Variants in ZNF146 observed in about 807,000 individuals in gnomAD.
ZNF146 encodes the protein zinc finger protein 146.
Under a neutral mutation model 22.2 loss-of-function variants are expected in ZNF146, and 9 were observed. That is an observed-to-expected ratio of 0.41 (90% CI 0.24 to 0.71). The LOEUF is 0.71. Ranked by LOEUF, ZNF146 falls within the 30% of genes least tolerant of loss-of-function variation. The pLI is 0.34. For missense variants in ZNF146, 194 were observed against 344.8 expected, an observed-to-expected ratio of 0.56 and a Z score of 3.46; for synonymous variants, 108 against 119.2, an observed-to-expected ratio of 0.91 and a Z score of 0.61.
At chr19:36,217,576 T>C (rs1413473590) in intron 1 of ZNF146, among the ~76,000 whole-genome samples, 4 of 152,068 alleles carry the variant, frequency 2.6e-5, no homozygotes, top group Non-Finnish European at 5.9e-5. Flanking sequence ...ATGTAGAGTA[T>C]GATACACGAT....
At chr19:36,230,052 G>C (rs1018387044) in intron 3 of ZNF146, among the ~76,000 whole-genome samples, 2 of 152,152 alleles carry the variant, frequency 1.3e-5, no homozygotes, top group Non-Finnish European at 1.5e-5. Flanking sequence ...CTACTAATGG[G>C]CATTTAGGTT....
At chr19:36,216,222 CT>C (rs1275895220) in intron 1 of ZNF146, among the ~76,000 whole-genome samples, 2 of 152,032 alleles carry the variant, frequency 1.3e-5, no homozygotes, top group Non-Finnish European at 2.9e-5. Context: ...GTGGAAGAAA[CT>C]TAAAGGTTCA....
At chr19:36,222,511 C>T (rs904653228) in intron 2 of ZNF146, among the ~76,000 whole-genome samples, 4 of 152,196 alleles carry the variant, frequency 2.6e-5, no homozygotes, top group African/African-American at 9.7e-5. Flanking sequence ...TGTGCGAGAG[C>T]GTCTTCCCCT....
At chr19:36,219,600 T>C (rs1976751962) in intron 2 of ZNF146, among the ~76,000 whole-genome samples, 1 of 152,196 alleles carries the variant, frequency 6.6e-6, no homozygotes, top group South Asian at 2.1e-4. Context: ...AGGAGAGATA[T>C]ACCAGATGGC....
intron 3 of ZNF146, among the ~76,000 whole-genome samples, chr19:36,233,805 C>G (rs1226754587): frequency 6.6e-6 from 1 of 152,210 alleles, no homozygotes; most frequent in Non-Finnish European, 1.5e-5. Context: ...CAGCTTTACA[C>G]GGAGACATTC....
rs1165204058 is a variant in ZNF146 at position 36,237,616 on chromosome 19, T to G, written c.*297T>G. ...TTTTTTATTGCTACCACCATAGATC[T>G]GGAGATCTTCGCCAGTAACAAGAAA... On this transcript the variant is annotated 3_prime_UTR_variant, in exon 4 of 4. Transcript: ENST00000443387. 1 of 253,892 alleles carries G rather than the reference T, an allele frequency of 3.9e-6. No homozygotes were observed. Among genetic ancestry groups the G allele is most frequent in the Non-Finnish European group, 8.1e-6 (1 of 123,998 alleles). The allele number at this position is 253,892 out of a possible 1,614,324, so 15.7% of individuals were successfully genotyped here.
At chr19:36,234,085 C>T (rs980787375) in intron 3 of ZNF146, among the ~76,000 whole-genome samples, 11 of 152,288 alleles carry the variant, frequency 7.2e-5, no homozygotes, top group African/African-American at 2.4e-4. Flanking sequence ...GTGGTGATGA[C>T]TCTTAAGGAG....
chr19:36,233,059 T>C (rs1977458168), intron 3 of ZNF146, among the ~76,000 whole-genome samples: 2 of 152,206 alleles, frequency 1.3e-5, no homozygotes, highest in Admixed American at 1.3e-4. Context: ...GTTTTACTTC[T>C]AAAAAATTAA....
chr19:36,221,736 GT>G lies in ZNF146; in HGVS notation c.-855+3550del, dbSNP rs370234883. On this transcript the variant is annotated intron_variant, in intron 2 of 3. Coordinates refer to ENST00000443387, the MANE Select transcript of ZNF146 (RefSeq NM_007145.3). ...TCTTTGTCTTATGTAAACATGTCTT[GT>G]TTTTTTTTGTTTGCTTCTTGTTTAT... Among the ~76,000 whole-genome samples the G allele has an allele frequency of 4.1e-3, 608 of 150,108 alleles. 7 individuals carry two copies. The highest frequency in any genetic ancestry group is 0.014 in the African/African-American group (588 of 40,976).
intron 1 of ZNF146, among the ~76,000 whole-genome samples, chr19:36,216,069 T>G (rs1976591308): frequency 6.6e-6 from 1 of 152,184 alleles, no homozygotes; most frequent in South Asian, 2.1e-4. Context: ...TTGACATAGT[T>G]TTAAATTACA....
At chr19:36,235,097 TACTC>T (rs1344678356) in intron 3 of ZNF146, among the ~76,000 whole-genome samples, 1 of 149,668 alleles carries the variant, frequency 6.7e-6, no homozygotes, top group Admixed American at 6.7e-5. Context: ...TAATCCCAGT[TACTC>T]AGGAGGCTGA....
intron 2 of ZNF146, among the ~76,000 whole-genome samples, chr19:36,224,107 C>T (rs1976974574): frequency 6.6e-6 from 1 of 152,158 alleles, no homozygotes. Context: ...CCTGGCTGGG[C>T]ACGGTGGCTC....
At chr19:36,232,196 A>C (rs1599988328) in intron 3 of ZNF146, among the ~76,000 whole-genome samples, 1 of 21,936 alleles carries the variant, frequency 4.6e-5, no homozygotes, top group African/African-American at 2.2e-4. Context: ...CTCCATCTCA[A>C]AAAAAAAAAA....
At chr19:36,218,528 T>C (rs1976707165) in intron 2 of ZNF146, among the ~76,000 whole-genome samples, 1 of 150,714 alleles carries the variant, frequency 6.6e-6, no homozygotes, top group Non-Finnish European at 1.5e-5. Context: ...TGCAGTGGCC[T>C]GATCTCGGCT....
intron 2 of ZNF146, among the ~76,000 whole-genome samples, chr19:36,224,337 G>A (rs1429582392): frequency 6.6e-6 from 1 of 152,154 alleles, no homozygotes. Flanking sequence ...AGCTGAGATT[G>A]TGCCACTGCA....
intron 2 of ZNF146, among the ~76,000 whole-genome samples, chr19:36,221,290 T>C (rs988036880): frequency 3.3e-4 from 48 of 143,376 alleles, no homozygotes; most frequent in Admixed American, 2.3e-3. Context: ...ACTGCTTTTT[T>C]TTTTTTTTTT....
At chr19:36,229,827 CT>C (rs1340812288) in intron 3 of ZNF146, among the ~76,000 whole-genome samples, 3 of 152,210 alleles carry the variant, frequency 2.0e-5, no homozygotes, top group African/African-American at 7.2e-5. Flanking sequence ...TCAAGTGATT[CT>C]TGTGCCTCAG....
At chr19:36,218,702 C>G (rs891078299) in intron 2 of ZNF146, among the ~76,000 whole-genome samples, 8 of 152,088 alleles carry the variant, frequency 5.3e-5, no homozygotes, top group African/African-American at 1.9e-4. Flanking sequence ...ATCTCCTGAC[C>G]TTGTGATCCA....
chr19:36,225,440 T>C (rs1977023393), intron 2 of ZNF146, among the ~76,000 whole-genome samples: 1 of 152,194 alleles, frequency 6.6e-6, no homozygotes, highest in African/African-American at 2.4e-5. Flanking sequence ...TTTGCTTCCT[T>C]CTTAAAAGTT....
Sources: gnomAD v4.1 joint callset for allele counts (sites outside exome capture counted in the v4.1 genomes callset) on GRCh38, gnomAD v4.1.1 for gene constraint, MANE v1.5 for transcripts, NCBI Gene and HGNC (gene_info 2026-07-23, HGNC 2026-07-21) for gene names.